The following TRPS1 variants were observed in gnomAD, a reference collection of about 807,000 sequenced individuals.
The protein encoded by TRPS1 is zinc finger transcription factor Trps1.
TRPS1 carries 6 observed loss-of-function variants against 101.2 expected under a neutral mutation model. The ratio of observed to expected loss-of-function variants is 0.06; its 90% CI spans 0.03 to 0.12. The LOEUF (loss-of-function observed/expected upper bound fraction) is 0.12, where lower values mean the gene tolerates loss of function less well. TRPS1 is among the 10% of genes least tolerant of loss of function. TRPS1 has a pLI of 1.00. For synonymous variants in TRPS1, 578 were observed against 589.8 expected, an observed-to-expected ratio of 0.98 and a Z score of 0.29; for missense variants, 1,363 against 1,567.0, an observed-to-expected ratio of 0.87 and a Z score of 2.20.
At chr8:115,527,895 C>T (rs1342704460) in intron 5 of TRPS1, among the ~76,000 whole-genome samples, 1 of 152,014 alleles carries the variant, frequency 6.6e-6, no homozygotes, top group Admixed American at 6.6e-5. Context: ...GTAAGGTACC[C>T]CAAATTAGAA....
intron 5 of TRPS1, among the ~76,000 whole-genome samples, chr8:115,583,178 A>C (rs1817489024): frequency 6.6e-6 from 1 of 152,318 alleles, no homozygotes; most frequent in Non-Finnish European, 1.5e-5. Flanking sequence ...AATAAAATCC[A>C]GAATTTCTTA....
At chr8:115,500,884 T>TA (rs1256531981) in intron 5 of TRPS1, among the ~76,000 whole-genome samples, 1 of 152,178 alleles carries the variant, frequency 6.6e-6, no homozygotes, top group African/African-American at 2.4e-5. Context: ...GAACTTGGTT[T>TA]TAATGACAAT....
chr8:115,414,849 T>G lies in TRPS1; in HGVS notation c.3059A>C (p.Gln1020Pro). 6.2e-7 allele frequency: 1 copy of G among 1,613,966 alleles called. No individual in the cohort carries two copies. Among genetic ancestry groups the G allele is most frequent in the South Asian group, 1.1e-5 (1 of 91,072 alleles). Residue 1020 changes from glutamine (Q) to proline (P), a missense_variant, in exon 7 of 7, where the codon CAG (glutamine) becomes CCG (proline). Gln to Pro is a moderately conservative substitution (Grantham distance 76). Around this residue, in one of 5 missense-constraint regions of TRPS1, gnomAD observed 307 missense variants for 392.4 expected, o/e 0.78. Coordinates refer to ENST00000395715, the MANE Select transcript of TRPS1 (RefSeq NM_014112.5). This position sits in a 1 kb window ranked among gnomAD's most constrained non-coding sequence, Gnocchi z 4.8. ...PLPSLSKYEA[Q>P]GSLTKSHSAQ... ...AGAATGGCTTTTAGTCAATGAACCCTGGGCTTCGTATTTACTTAGGCTGGG... is the reference window on the plus strand; with the variant it reads ...AGAATGGCTTTTAGTCAATGAACCCGGGGCTTCGTATTTACTTAGGCTGGG...
chr8:115,666,729 T>C (rs1041456203), intron 1 of TRPS1, among the ~76,000 whole-genome samples: 2 of 152,256 alleles, frequency 1.3e-5, no homozygotes, highest in African/African-American at 4.8e-5. Flanking sequence ...GAAGAATTGT[T>C]GGAAGGTTCC....
At chr8:115,561,834 T>TA (rs993305566) in intron 5 of TRPS1, among the ~76,000 whole-genome samples, 8 of 146,220 alleles carry the variant, frequency 5.5e-5, no homozygotes, top group East Asian at 4.0e-4. Flanking sequence ...CAACCCCATC[T>TA]AAAAAAAAAA....
chr8:115,488,670 T>C (rs1814947541), intron 5 of TRPS1, among the ~76,000 whole-genome samples: 1 of 151,996 alleles, frequency 6.6e-6, no homozygotes, highest in South Asian at 2.1e-4. Context: ...TGAGATTCCG[T>C]CAAAAACAAA....
rs1237583764 is a variant in TRPS1, at chr8:115,587,224, A to C, written c.2477T>G (p.Leu826Arg). The change falls in exon 5 of 7, where the codon CTG becomes CGG. Residue 826 changes from leucine (L) to arginine (R), a missense_variant. Transcript: ENST00000395715. ...TTGGGTGCCAGACACAGGCGTCAGC[A>C]GCCCCAGGCTTGCTTGGGTGTATGA... ...SPSYTQASLG[L>R]LTPVSGTQEQ... 1.9e-6 allele frequency: 3 copies of C among 1,614,130 alleles called. No homozygotes were observed. The highest frequency in any genetic ancestry group is 2.5e-6 in the Non-Finnish European group (3 of 1,180,046).
rs1396791156 is a variant in TRPS1, at chr8:115,459,945, T to TA, written c.2701-41494dup. Among the ~76,000 whole-genome samples the TA allele has an allele frequency of 2.0e-5, 3 of 152,182 alleles. No individual in the cohort carries two copies. The East Asian group carries it at 5.8e-4, about 29-fold the overall frequency. On this transcript the variant is annotated intron_variant, in intron 5 of 6. Transcript: ENST00000395715. The stretch of plus-strand genomic sequence containing the variant: ...ATTGTTTAAAATGATACATATGTAA[T>TA]ATGAAATTATGTATGTAATACATAT...
At chr8:115,548,717 C>T (rs993675103) in intron 5 of TRPS1, among the ~76,000 whole-genome samples, 1 of 152,222 alleles carries the variant, frequency 6.6e-6, no homozygotes, top group Non-Finnish European at 1.5e-5. Flanking sequence ...AGGCATATTA[C>T]TCTCCTTTGA....
chr8:115,472,214 C>T (rs1381539907), intron 5 of TRPS1, among the ~76,000 whole-genome samples: 1 of 152,230 alleles, frequency 6.6e-6, no homozygotes, highest in African/African-American at 2.4e-5. Flanking sequence ...TGCATTTCCA[C>T]ACATCCTCTG....
chr8:115,588,207 A>G (rs1484005944), intron 4 of TRPS1, among the ~76,000 whole-genome samples: 1 of 152,324 alleles, frequency 6.6e-6, no homozygotes, highest in East Asian at 1.9e-4. Flanking sequence ...TCATTATCAA[A>G]TTATTAAATG....
At chr8:115,430,766 T>G (rs1813298257) in intron 5 of TRPS1, among the ~76,000 whole-genome samples, 1 of 152,222 alleles carries the variant, frequency 6.6e-6, no homozygotes, top group East Asian at 1.9e-4. Flanking sequence ...TGGAATCATT[T>G]TCAGCACTAC....
At chr8:115,558,152 T>C (rs1282158355) in intron 5 of TRPS1, among the ~76,000 whole-genome samples, 1 of 152,078 alleles carries the variant, frequency 6.6e-6, no homozygotes, top group East Asian at 1.9e-4. Context: ...ATATTATTCT[T>C]CAAATTTGTG....
At chr8:115,623,278 C>T (rs530975090) in intron 2 of TRPS1, among the ~76,000 whole-genome samples, 16 of 151,524 alleles carry the variant, frequency 1.1e-4, no homozygotes, top group Non-Finnish European at 8.8e-5. Flanking sequence ...GTTGTGGGGG[C>T]GGGGGCATGT....
Position 115,623,589 on chromosome 8 carries a change from T to C in TRPS1, c.37+12A>G, listed in dbSNP as rs1169427942. On this transcript the variant is annotated intron_variant, in intron 2 of 6. Transcript: ENST00000395715. Reference sequence around the variant, plus strand: ...CAGTTAACATTTTCACTTGAAAAAATAGATCACATACTTGTAAAATCATAC... The same window carrying C: ...CAGTTAACATTTTCACTTGAAAAAACAGATCACATACTTGTAAAATCATAC... 3.7e-6 allele frequency: 6 copies of C among 1,611,862 alleles called. No individual in the cohort carries two copies. The highest frequency in any genetic ancestry group is 2.7e-5 in the African/African-American group (2 of 74,828).
At chr8:115,497,755 G>A (rs1241601493) in intron 5 of TRPS1, among the ~76,000 whole-genome samples, 1 of 152,164 alleles carries the variant, frequency 6.6e-6, no homozygotes, top group African/African-American at 2.4e-5. Context: ...CACAAAAATA[G>A]CAGAGATTAA....
chr8:115,440,156 C>T (rs1813555362), intron 5 of TRPS1, among the ~76,000 whole-genome samples: 1 of 152,138 alleles, frequency 6.6e-6, no homozygotes, highest in Non-Finnish European at 1.5e-5. Flanking sequence ...GCATTTATTT[C>T]CTAGTCATCT....
chr8:115,554,011 A>G (rs974740185), intron 5 of TRPS1, among the ~76,000 whole-genome samples: 9 of 152,196 alleles, frequency 5.9e-5, no homozygotes, highest in Non-Finnish European at 1.0e-4. Flanking sequence ...AAAATTCTTA[A>G]AATGTATTTG....
intron 4 of TRPS1, among the ~76,000 whole-genome samples, chr8:115,597,075 A>G (rs1055886995): frequency 2.0e-5 from 3 of 151,884 alleles, no homozygotes; most frequent in Non-Finnish European, 4.4e-5. Context: ...TTTATTTTGG[A>G]CTGACTTTGT....
Sources: gnomAD v4.1 joint callset for allele counts (sites outside exome capture counted in the v4.1 genomes callset) on GRCh38, gnomAD v4.1.1 for gene constraint, gnomAD v4.1.1 regional missense constraint, Gnocchi (gnomAD v3.1) non-coding constraint, MANE v1.5 for transcripts, NCBI Gene and HGNC (gene_info 2026-07-23, HGNC 2026-07-21) for gene names.